SNTG2: variants seen among roughly 807,000 people sequenced by gnomAD.
SNTG2 encodes the protein gamma-2-syntrophin.
A neutral mutation model predicts 70.9 loss-of-function variants in SNTG2; 74 were observed. That is an observed-to-expected ratio of 1.04 (90% confidence interval 0.86 to 1.27). The LOEUF (loss-of-function observed/expected upper bound fraction) is 1.27, where lower values mean the gene tolerates loss of function less well. SNTG2 is among the 50% of genes most tolerant of loss of function. SNTG2 has a pLI of 0.00. For missense variants in SNTG2, 717 were observed against 690.7 expected (o/e 1.04, Z -0.43); for synonymous variants, 278 against 273.8 (o/e 1.02, Z -0.15).
chr2:1,178,508 A>G (rs1386294867), intron 8 of SNTG2, among the ~76,000 whole-genome samples: 1 of 152,162 alleles, frequency 6.6e-6, no homozygotes, highest in Non-Finnish European at 1.5e-5. Context: ...AGTTTTTAGC[A>G]TGAAGGGTTG....
intron 16 of SNTG2, among the ~76,000 whole-genome samples, chr2:1,338,069 T>C (rs1659906868): frequency 6.6e-6 from 1 of 152,214 alleles, no homozygotes; most frequent in Admixed American, 6.5e-5. Flanking sequence ...CATCTGTATG[T>C]CTCTCTTTAT....
chr2:1,079,847 C>T (rs1318134860), intron 1 of SNTG2, among the ~76,000 whole-genome samples: 4 of 152,212 alleles, frequency 2.6e-5, no homozygotes, highest in Non-Finnish European at 5.9e-5. Context: ...TAACATCGAT[C>T]AATATCACAT....
intron 1 of SNTG2, among the ~76,000 whole-genome samples, chr2:1,049,382 T>C (rs1352220627): frequency 6.6e-6 from 1 of 152,200 alleles, no homozygotes; most frequent in Non-Finnish European, 1.5e-5. Context: ...TAGTGTGCCT[T>C]TTCCAGGTCA....
At chr2:1,052,136 G>T (rs1469964538) in intron 1 of SNTG2, among the ~76,000 whole-genome samples, 1 of 151,932 alleles carries the variant, frequency 6.6e-6, no homozygotes. Context: ...TGCAGCTTAG[G>T]TTGGTTGTAT....
At chr2:1,308,690 C>A in intron 15 of SNTG2, 104 bp downstream of exon 15, 1 of 954,194 alleles carries the variant, frequency 1.0e-6, no homozygotes. Context: ...ACCAACCTTG[C>A]TGGATTGTGT....
chr2:1,000,196 T>G (rs1661821076), intron 1 of SNTG2, among the ~76,000 whole-genome samples: 1 of 151,458 alleles, frequency 6.6e-6, no homozygotes, highest in Non-Finnish European at 1.5e-5. Context: ...TATTACAAAT[T>G]AACAACCTAA....
intron 4 of SNTG2, among the ~76,000 whole-genome samples, chr2:1,110,157 G>A (rs756383576): frequency 4.6e-5 from 7 of 152,178 alleles, no homozygotes; most frequent in Non-Finnish European, 8.8e-5. Context: ...TCAGGTCTCT[G>A]TGGCACAGCG....
chr2:1,278,891 C>T (rs538930591), intron 14 of SNTG2, among the ~76,000 whole-genome samples: 35 of 152,336 alleles, frequency 2.3e-4, no homozygotes, highest in African/African-American at 7.2e-4. Flanking sequence ...TGTGATGAAT[C>T]TCGTGCCACC....
intron 14 of SNTG2, among the ~76,000 whole-genome samples, chr2:1,300,947 A>G (rs1680432939): frequency 6.6e-6 from 1 of 152,178 alleles, no homozygotes. Context: ...AGTAAAAGGT[A>G]TTTAAGGGAA....
chr2:1,090,993 G>C (rs1438880322), intron 2 of SNTG2, among the ~76,000 whole-genome samples: 2 of 152,200 alleles, frequency 1.3e-5, no homozygotes, highest in Non-Finnish European at 2.9e-5. Flanking sequence ...ATTTTAGAGA[G>C]AAAGTGTAAC....
intron 1 of SNTG2, among the ~76,000 whole-genome samples, chr2:964,597 G>A (rs1435936066): frequency 6.6e-6 from 1 of 152,186 alleles, no homozygotes; most frequent in Non-Finnish European, 1.5e-5. Flanking sequence ...ATGAGGCCTT[G>A]GTTGATCCTA....
chr2:965,533 G>C (rs546596288), intron 1 of SNTG2, among the ~76,000 whole-genome samples: 3 of 143,834 alleles, frequency 2.1e-5, no homozygotes, highest in Non-Finnish European at 3.0e-5. Flanking sequence ...CTGGCCTCTC[G>C]GTCCTCCTCC....
At position 1,259,409 on chromosome 2, in the gene SNTG2, C is replaced by G. The variant is rs145354756; in HGVS notation, c.1045C>G (p.His349Asp). 46 of 1,614,030 alleles carry G rather than the reference C, an allele frequency of 2.9e-5. No individual in the cohort carries two copies. The African/African-American group carries it at 5.6e-4, about 20-fold the overall frequency. Reference protein sequence around the residue: ...FDWVRAERTYHLCEVLFKVHK... With the variant: ...FDWVRAERTYDLCEVLFKVHK... ...TTGGGTGCGAGCAGAAAGGACCTAT[C>G]ACCTCTGTGAGGTGCTATTTAAAGT... The change falls in exon 13 of 17, where the codon CAC becomes GAC. Residue 349 changes from histidine (H) to aspartate (D), a missense_variant. Coordinates refer to ENST00000308624, the MANE Select transcript of SNTG2 (RefSeq NM_018968.4).
At chr2:1,166,830 C>T (rs7574195) in intron 7 of SNTG2, among the ~76,000 whole-genome samples, 7,981 of 152,210 alleles carry the variant, frequency 0.052, 502 homozygotes, top group East Asian at 0.21. Flanking sequence ...AGCAGAGGAG[C>T]GGAAGAGTAT....
chr2:1,289,007 C>T (rs1397424741), intron 14 of SNTG2, among the ~76,000 whole-genome samples: 3 of 152,032 alleles, frequency 2.0e-5, no homozygotes, highest in African/African-American at 7.2e-5. Context: ...GATTACTGCT[C>T]CTTAATTAGC....
chr2:1,265,264 A>G (rs1352594672), intron 13 of SNTG2, among the ~76,000 whole-genome samples: 1 of 152,220 alleles, frequency 6.6e-6, no homozygotes. Flanking sequence ...GACGATCCAG[A>G]GGGCCCCAGA....
In SNTG2 at chr2:996,673, G is replaced by GTTTTTTTTTTTTTTT; in HGVS notation, c.72+45622_72+45636dup. Among the ~76,000 whole-genome samples, 235 of 35,094 alleles carry GTTTTTTTTTTTTTTT rather than the reference G, an allele frequency of 6.7e-3. 47 individuals are homozygous for GTTTTTTTTTTTTTTT. The highest frequency in any genetic ancestry group is 0.011 in the East Asian group (9 of 798). 23.0% of individuals were successfully genotyped at this position (35,094 alleles called of 152,430 possible). A position where few individuals can be genotyped will look rare whatever the true frequency, so the allele number is the denominator to read the frequency against. On this transcript the variant is annotated intron_variant, in intron 1 of 16. Transcript: ENST00000308624. ...ATATTGCTTGTATTTGAGTTACCCA[G>GTTTTTTTTTTTTTTT]TTTTTTTTTTTTTTTTTTTTTTTTT...
chr2:1,144,196 A>G (rs1668950718), intron 6 of SNTG2, among the ~76,000 whole-genome samples: 1 of 152,176 alleles, frequency 6.6e-6, no homozygotes, highest in Non-Finnish European at 1.5e-5. Context: ...GGAGAAACAT[A>G]GAACCTGGTT....
intron 1 of SNTG2, among the ~76,000 whole-genome samples, chr2:1,061,436 G>T (rs1322319345): frequency 6.6e-6 from 1 of 152,228 alleles, no homozygotes; most frequent in Non-Finnish European, 1.5e-5. Flanking sequence ...AAGGATGTTT[G>T]TGCAGCAAAC....
Sources: allele counts gnomAD v4.1 joint callset (sites outside exome capture counted in the v4.1 genomes callset), GRCh38; gene constraint gnomAD v4.1.1; transcripts MANE v1.5; gene names NCBI Gene and HGNC (gene_info 2026-07-23, HGNC 2026-07-21).